Variants in SYNPR observed in about 807,000 individuals in gnomAD.
The protein encoded by SYNPR is synaptoporin.
Under a neutral mutation model 32.9 loss-of-function variants are expected in SYNPR, and 23 were observed. The ratio of observed to expected loss-of-function variants is 0.70; its 90% CI spans 0.50 to 0.99. The LOEUF (loss-of-function observed/expected upper bound fraction) is 0.99, where lower values mean the gene tolerates loss of function less well. Among genes scored for constraint, SYNPR ranks in the 50% least tolerant of loss-of-function variants. The pLI is 0.00. For synonymous variants in SYNPR, 146 were observed against 135.9 expected (o/e 1.07, Z -0.52); for missense variants, 318 against 349.3 (o/e 0.91, Z 0.71).
intron 2 of SYNPR, among the ~76,000 whole-genome samples, chr3:63,393,356 G>T (rs1002191892): frequency 6.6e-6 from 1 of 152,082 alleles, no homozygotes; most frequent in Admixed American, 6.6e-5. Flanking sequence ...GAGTACATAG[G>T]TCTCCAAAGT....
chr3:63,299,392 T>C (rs576174553), intron 2 of SYNPR, among the ~76,000 whole-genome samples: 3 of 152,178 alleles, frequency 2.0e-5, no homozygotes, highest in African/African-American at 4.8e-5. Context: ...TTTTGTTTTT[T>C]TGTTTTGTTT....
At chr3:63,345,232 G>T (rs905568604) in intron 2 of SYNPR, among the ~76,000 whole-genome samples, 4 of 152,184 alleles carry the variant, frequency 2.6e-5, no homozygotes, top group African/African-American at 9.7e-5. Flanking sequence ...TCAGAACAAG[G>T]CGAGGGTAGT....
intron 3 of SYNPR, among the ~76,000 whole-genome samples, chr3:63,499,360 GT>G (rs1391253653): frequency 6.6e-6 from 1 of 152,062 alleles, no homozygotes; most frequent in Non-Finnish European, 1.5e-5. Flanking sequence ...AGATGCAATA[GT>G]TTTTTTCTTA....
chr3:63,410,545 T>C (rs1346761412), intron 2 of SYNPR, among the ~76,000 whole-genome samples: 1 of 152,186 alleles, frequency 6.6e-6, no homozygotes, highest in African/African-American at 2.4e-5. Context: ...ATTTTGATCA[T>C]GATTTATGGA....
At chr3:63,457,539 G>A (rs576994765) in intron 2 of SYNPR, among the ~76,000 whole-genome samples, 1 of 152,190 alleles carries the variant, frequency 6.6e-6, no homozygotes, top group Admixed American at 6.5e-5. Flanking sequence ...AAATAAGATT[G>A]AAGAGATCTT....
At chr3:63,424,416 C>G (rs992241278) in intron 2 of SYNPR, among the ~76,000 whole-genome samples, 1 of 152,236 alleles carries the variant, frequency 6.6e-6, no homozygotes, top group African/African-American at 2.4e-5. Flanking sequence ...TTTGAGACTA[C>G]TTCAGCTTCC....
chr3:63,550,607 C>T (rs559815359), intron 3 of SYNPR, among the ~76,000 whole-genome samples: 2 of 152,060 alleles, frequency 1.3e-5, no homozygotes, highest in South Asian at 4.2e-4. Flanking sequence ...ATATTTTATT[C>T]TCTCCCTCCC....
chr3:63,518,588 C>T (rs1701843256), intron 3 of SYNPR, among the ~76,000 whole-genome samples: 1 of 152,154 alleles, frequency 6.6e-6, no homozygotes, highest in Non-Finnish European at 1.5e-5. Context: ...TTTTGACACA[C>T]CTAAATTCCA....
intron 2 of SYNPR, among the ~76,000 whole-genome samples, chr3:63,291,066 G>C (rs1184941827): frequency 6.6e-6 from 1 of 152,156 alleles, no homozygotes; most frequent in Non-Finnish European, 1.5e-5. Flanking sequence ...GTGGGAAAAG[G>C]GGGTAGCTGG....
upstream of SYNPR, among the ~76,000 whole-genome samples, chr3:63,224,296 T>A (rs1410843026): frequency 1.3e-5 from 2 of 152,074 alleles, no homozygotes; most frequent in African/African-American, 4.8e-5. Context: ...AGGCTCCTTA[T>A]GAGAATCTAA....
At chr3:63,260,246 C>T (rs534826644) in intron 2 of SYNPR, among the ~76,000 whole-genome samples, 10 of 152,174 alleles carry the variant, frequency 6.6e-5, no homozygotes, top group East Asian at 5.8e-4. Flanking sequence ...GAACCAAAAA[C>T]GAGCCCGCAT....
intron 3 of SYNPR, among the ~76,000 whole-genome samples, chr3:63,273,096 G>C (rs569155940): frequency 6.6e-6 from 1 of 152,126 alleles, no homozygotes; most frequent in Non-Finnish European, 1.5e-5. Context: ...TTGTGTTCTA[G>C]TACGTTCCTG....
chr3:63,248,609 T>C (rs2086308558), intron 1 of SYNPR, among the ~76,000 whole-genome samples: 1 of 152,160 alleles, frequency 6.6e-6, no homozygotes. Context: ...ATTCTGAAGT[T>C]TATATGTGTG....
At chr3:63,507,230 G>A (rs953257241) in intron 3 of SYNPR, among the ~76,000 whole-genome samples, 2 of 138,688 alleles carry the variant, frequency 1.4e-5, no homozygotes, top group Non-Finnish European at 3.2e-5. Context: ...AAAGTTTAAG[G>A]AGAAACTGGA....
At chr3:63,420,296 T>C (rs727777) in intron 2 of SYNPR, among the ~76,000 whole-genome samples, 49,480 of 152,022 alleles carry the variant, frequency 0.33, 8,478 homozygotes, top group East Asian at 0.6. Context: ...GAGAGGGCAA[T>C]GTTATAATAT....
intron 2 of SYNPR, among the ~76,000 whole-genome samples, chr3:63,344,307 A>G (rs562943459): frequency 6.6e-6 from 1 of 152,224 alleles, no homozygotes; most frequent in South Asian, 2.1e-4. Flanking sequence ...TACCTATCTT[A>G]TGATTAGGAA....
At chr3:63,323,022 A>G (rs1367864810) in intron 2 of SYNPR, among the ~76,000 whole-genome samples, 2 of 152,058 alleles carry the variant, frequency 1.3e-5, no homozygotes, top group Non-Finnish European at 2.9e-5. Flanking sequence ...AGAGTAGAAG[A>G]TAAGACTTTA....
At chr3:63,224,943 G>T (rs182272844), upstream of SYNPR, among the ~76,000 whole-genome samples, 1 of 152,330 alleles carries the variant, frequency 6.6e-6, no homozygotes, top group Non-Finnish European at 1.5e-5. Flanking sequence ...CTGATGAACA[G>T]GGTGGATCGT....
At chr3:63,426,934 A>G (rs150330975) in intron 2 of SYNPR, 3 of 152,318 alleles carry the variant, frequency 2.0e-5, no homozygotes, top group Admixed American at 2.0e-4. Flanking sequence ...TTAATTTAAA[A>G]TAATTTTAAA....
Sources: allele counts gnomAD v4.1 joint callset (sites outside exome capture counted in the v4.1 genomes callset), GRCh38; gene constraint gnomAD v4.1.1; transcripts MANE v1.5; gene names NCBI Gene and HGNC (gene_info 2026-07-23, HGNC 2026-07-21).